Variants in CAMK1D observed in about 807,000 individuals in gnomAD.
The protein encoded by CAMK1D is calcium/calmodulin-dependent protein kinase type 1D.
In CAMK1D, 9 loss-of-function variants were observed where a neutral mutation model predicts 47.7. The ratio of observed to expected loss-of-function variants is 0.19; its 90% CI spans 0.11 to 0.33. The LOEUF (loss-of-function observed/expected upper bound fraction) is 0.33, where lower values mean the gene tolerates loss of function less well. Ranked by LOEUF, CAMK1D falls within the 10% of genes least tolerant of loss-of-function variation. The probability of loss-of-function intolerance (pLI) is 1.00; values close to 1 mark genes in which losing one functional copy is unlikely to be tolerated. For synonymous variants in CAMK1D, 184 were observed against 184.9 expected (o/e 0.99, Z 0.04); for missense variants, 291 against 488.7 (o/e 0.60, Z 3.81).
chr10:12,386,642 C>T (rs958905499), intron 1 of CAMK1D, among the ~76,000 whole-genome samples: 1 of 151,936 alleles, frequency 6.6e-6, no homozygotes, highest in Admixed American at 6.6e-5. Flanking sequence ...TAATATGATC[C>T]CAATTTTGTG....
intron 2 of CAMK1D, among the ~76,000 whole-genome samples, chr10:12,618,115 G>A (rs1838879664): frequency 6.6e-6 from 1 of 152,124 alleles, no homozygotes; most frequent in Non-Finnish European, 1.5e-5. Flanking sequence ...AGTGGTTCAT[G>A]ATTAGCAGCC....
rs886943850 is a variant in CAMK1D, at chr10:12,506,665, T to C, written c.93-46560T>C. Among the ~76,000 whole-genome samples the C allele has an allele frequency of 5.9e-5, 9 of 152,120 alleles. No individual in the cohort carries two copies. The East Asian group carries it at 1.4e-3, about 23-fold the overall frequency. On this transcript the variant is annotated intron_variant, in intron 1 of 10. Transcript: ENST00000619168. ...TCACGAGTAGCTGGGACTACAGGCG[T>C]CCGCCACCACGCCCGGCTAGTTTTT...
chr10:12,610,658 G>A (rs17151978), intron 2 of CAMK1D, among the ~76,000 whole-genome samples: 41,915 of 152,050 alleles, frequency 0.28, 5,898 homozygotes, highest in South Asian at 0.38. Flanking sequence ...TGTCAGGGAC[G>A]GTCTTCACAG....
At chr10:12,367,513 T>A (rs1837871560) in intron 1 of CAMK1D, among the ~76,000 whole-genome samples, 1 of 151,910 alleles carries the variant, frequency 6.6e-6, no homozygotes, top group Non-Finnish European at 1.5e-5. Context: ...ATTATTATAT[T>A]AAAATATAAT....
intron 2 of CAMK1D, among the ~76,000 whole-genome samples, chr10:12,642,564 T>C (rs989466544): frequency 1.3e-5 from 2 of 152,166 alleles, no homozygotes; most frequent in South Asian, 2.1e-4. Context: ...AGAAAATAGC[T>C]TGGATCCACC....
At chr10:12,555,711 G>C (rs1836737879) in intron 2 of CAMK1D, among the ~76,000 whole-genome samples, 1 of 152,222 alleles carries the variant, frequency 6.6e-6, no homozygotes, top group East Asian at 1.9e-4. Context: ...GGTGGGCCCA[G>C]AGCCTTCCAA....
intron 3 of CAMK1D, among the ~76,000 whole-genome samples, chr10:12,671,032 A>C (rs1412002940): frequency 6.6e-6 from 1 of 152,214 alleles, no homozygotes; most frequent in Non-Finnish European, 1.5e-5. Flanking sequence ...TAGACTTTTC[A>C]TATGAATGGA....
At chr10:12,683,329 G>A (rs934943691) in intron 3 of CAMK1D, among the ~76,000 whole-genome samples, 5 of 151,948 alleles carry the variant, frequency 3.3e-5, no homozygotes, top group South Asian at 2.1e-4. Flanking sequence ...TAGGTGATTC[G>A]CCCTCCTTGG....
At chr10:12,827,325 TC>T (rs1564593749) in intron 10 of CAMK1D, among the ~76,000 whole-genome samples, 10 of 110,064 alleles carry the variant, frequency 9.1e-5, no homozygotes, top group East Asian at 3.3e-4. Flanking sequence ...TCTTTCTTTC[TC>T]TCTCTTCTCT....
intron 2 of CAMK1D, among the ~76,000 whole-genome samples, chr10:12,663,093 T>G (rs1840324466): frequency 6.6e-6 from 1 of 152,190 alleles, no homozygotes; most frequent in Non-Finnish European, 1.5e-5. Context: ...TCTGAGTAGC[T>G]GGGATTACAG....
chr10:12,671,003 C>A (rs1399424674), intron 3 of CAMK1D, among the ~76,000 whole-genome samples: 1 of 152,022 alleles, frequency 6.6e-6, no homozygotes, highest in Admixed American at 6.6e-5. Context: ...ATCTTTGGTC[C>A]CTATGGATTT....
chr10:12,660,912 T>G (rs1321484565), intron 2 of CAMK1D, among the ~76,000 whole-genome samples: 1 of 152,184 alleles, frequency 6.6e-6, no homozygotes, highest in Non-Finnish European at 1.5e-5. Flanking sequence ...AGTGTTGACC[T>G]CTGGGATTTC....
At chr10:12,533,945 C>T (rs1236892700) in intron 1 of CAMK1D, among the ~76,000 whole-genome samples, 1 of 152,144 alleles carries the variant, frequency 6.6e-6, no homozygotes, top group Non-Finnish European at 1.5e-5. Context: ...ATTCTTATTC[C>T]AGGACGTCTC....
At chr10:12,592,920 C>T (rs1317290528) in intron 2 of CAMK1D, among the ~76,000 whole-genome samples, 2 of 152,196 alleles carry the variant, frequency 1.3e-5, no homozygotes, top group African/African-American at 2.4e-5. Context: ...CTGCCTGGCT[C>T]CCTCCTCTTC....
rs576187642 is a variant in CAMK1D, at chr10:12,753,062, G to A, written c.300-7886G>A. ...AGATTGAGAGATTGAGACCATCGTG[G>A]CCAACATGGTGAAACCCCATCTCTA... On this transcript the variant is annotated intron_variant, in intron 3 of 10. Coordinates refer to ENST00000619168, the MANE Select transcript of CAMK1D (RefSeq NM_153498.4). Among the ~76,000 whole-genome samples the A allele has an allele frequency of 2.6e-5, 4 of 152,276 alleles. No individual in the cohort carries two copies. In the East Asian group the frequency reaches 7.7e-4, roughly 29 times the overall value.
chr10:12,380,197 A>T (rs1001750436), intron 1 of CAMK1D, among the ~76,000 whole-genome samples: 1 of 152,286 alleles, frequency 6.6e-6, no homozygotes, highest in East Asian at 1.9e-4. Flanking sequence ...CCTGGGTGAC[A>T]GAGCGAGACT....
At chr10:12,816,827 G>A (rs939723814) in intron 8 of CAMK1D, among the ~76,000 whole-genome samples, 4 of 140,084 alleles carry the variant, frequency 2.9e-5, no homozygotes, top group South Asian at 4.4e-4. Flanking sequence ...AGCTGAGATC[G>A]CACCATTGCA....
At chr10:12,488,755 A>T (rs1288928377) in intron 1 of CAMK1D, among the ~76,000 whole-genome samples, 1 of 152,018 alleles carries the variant, frequency 6.6e-6, no homozygotes, top group Non-Finnish European at 1.5e-5. Context: ...GGAGTGTGGA[A>T]CCTAGATCCC....
At chr10:12,431,099 T>A (rs946921368) in intron 1 of CAMK1D, among the ~76,000 whole-genome samples, 1 of 152,192 alleles carries the variant, frequency 6.6e-6, no homozygotes, top group South Asian at 2.1e-4. Flanking sequence ...TTATAATAAA[T>A]TAGGAGATGA....
Sources: gnomAD v4.1 joint callset for allele counts (sites outside exome capture counted in the v4.1 genomes callset) on GRCh38, gnomAD v4.1.1 for gene constraint, MANE v1.5 for transcripts, NCBI Gene and HGNC (gene_info 2026-07-23, HGNC 2026-07-21) for gene names.